The following PDPR variants were observed in gnomAD, a reference collection of about 807,000 sequenced individuals.
PDPR encodes pyruvate dehydrogenase phosphatase regulatory subunit.
PDPR carries 50 observed loss-of-function variants against 102.2 expected under a neutral mutation model. The ratio of observed to expected loss-of-function variants is 0.49; its 90% CI spans 0.39 to 0.62. PDPR has a LOEUF of 0.62. Ranked by LOEUF, PDPR falls within the 20% of genes least tolerant of loss-of-function variation. The pLI is 0.00. For synonymous variants in PDPR, 259 were observed against 406.0 expected, an observed-to-expected ratio of 0.64 and a Z score of 4.35; for missense variants, 625 against 1,098.2, an observed-to-expected ratio of 0.57 and a Z score of 6.09.
chr16:70,119,641 C>T (rs1963015649), intron 2 of PDPR, among the ~76,000 whole-genome samples: 1 of 149,536 alleles, frequency 6.7e-6, no homozygotes, highest in Admixed American at 6.6e-5. Context: ...CGTTCCTTAT[C>T]CTTCAGGTCT....
intron 16 of PDPR, among the ~76,000 whole-genome samples, chr16:70,146,488 A>T (rs1329930029): frequency 7.6e-6 from 1 of 131,200 alleles, no homozygotes; most frequent in Non-Finnish European, 1.6e-5. Context: ...GTATGGTCTC[A>T]CGCACCTATA....
chr16:70,146,165 T>C lies in PDPR; in HGVS notation c.1899T>C (p.Asp633=). 6.2e-7 allele frequency: 1 copy of C among 1,613,728 alleles called. No homozygotes were observed. Among genetic ancestry groups the C allele is most frequent in the Admixed American group, 1.7e-5 (1 of 59,984 alleles). Residue 633 remains aspartate (D), a synonymous_variant, in exon 16 of 19, where the codon GAT becomes GAC. Transcript: ENST00000288050. ...ALNLIGPRAV[D]VLSELSYAPM... Reference sequence around the variant, plus strand: ...ATCTGATTGGCCCTCGAGCTGTGGATGTGCTGTCTGAGTTGTCCTATGCCC... The same window carrying C: ...ATCTGATTGGCCCTCGAGCTGTGGACGTGCTGTCTGAGTTGTCCTATGCCC...
intron 10 of PDPR, among the ~76,000 whole-genome samples, chr16:70,138,207 A>ATTTTTT (rs1201065640): frequency 5.7e-4 from 54 of 94,026 alleles, no homozygotes; most frequent in South Asian, 1.4e-3. Flanking sequence ...ACGCCGGCTA[A>ATTTTTT]TTTTTTTTTT....
chr16:70,155,906 G>A (rs1418267233), intron 18 of PDPR, among the ~76,000 whole-genome samples: 1 of 150,596 alleles, frequency 6.6e-6, no homozygotes, highest in Non-Finnish European at 1.5e-5. Context: ...AGGTTCAAAC[G>A]ATTTTCCTGT....
chr16:70,148,897 A>AT (rs1358229554), intron 17 of PDPR, among the ~76,000 whole-genome samples: 32,984 of 141,896 alleles, frequency 0.23, 1,055 homozygotes, highest in Non-Finnish European at 0.3. Context: ...TTCATAATTA[A>AT]TTTTTTTTTT....
chr16:70,119,911 TG>T (rs199834307), intron 2 of PDPR, among the ~76,000 whole-genome samples: 28,135 of 120,866 alleles, frequency 0.23, 4,462 homozygotes, highest in African/African-American at 0.46. Flanking sequence ...GTTTTTTTTT[TG>T]TTTGTTTGTT....
chr16:70,144,534 G>A lies in PDPR; in HGVS notation c.1867+1G>A. 1.7e-6 allele frequency: 1 copy of A among 586,186 alleles called. No individual in the cohort carries two copies. Among genetic ancestry groups the A allele is most frequent in the East Asian group, 3.7e-5 (1 of 27,342 alleles). 36.3% of individuals were successfully genotyped at this position (586,186 alleles called of 1,614,324 possible). A position where few individuals can be genotyped will look rare whatever the true frequency, so the allele number is the denominator to read the frequency against. On this transcript the variant is annotated splice_donor_variant, in intron 15 of 18. Transcript: ENST00000288050. LOFTEE classifies it high-confidence loss of function. Reference sequence around the variant, plus strand: ...GAGGACGTCACCTGGAAGTACACAGGTACGGGGGTTCGGGCTCTGCCACGT... The same window carrying A: ...GAGGACGTCACCTGGAAGTACACAGATACGGGGGTTCGGGCTCTGCCACGT...
At chr16:70,130,266 C>T (rs1227706816) in intron 6 of PDPR, among the ~76,000 whole-genome samples, 157 bp from the exon 7 acceptor site, 8 of 152,240 alleles carry the variant, frequency 5.3e-5, no homozygotes, top group Non-Finnish European at 1.0e-4. Context: ...CCACCCTTGG[C>T]GACAAAGCAA....
At chr16:70,124,190 C>G (rs1963673858) in intron 3 of PDPR, among the ~76,000 whole-genome samples, 1 of 152,238 alleles carries the variant, frequency 6.6e-6, no homozygotes, top group South Asian at 2.1e-4. Context: ...TGGGGAAACC[C>G]CGTCTCTACT....
intron 14 of PDPR, among the ~76,000 whole-genome samples, 180 bp from the exon 15 acceptor site, chr16:70,144,241 C>G (rs1966026531): frequency 6.7e-6 from 1 of 148,196 alleles, no homozygotes; most frequent in Non-Finnish European, 1.5e-5. Context: ...TAACAGGAAG[C>G]CAGAATTTTG....
At chr16:70,119,978 G>A (rs1201192071) in intron 2 of PDPR, among the ~76,000 whole-genome samples, 5 of 151,114 alleles carry the variant, frequency 3.3e-5, no homozygotes, top group Admixed American at 6.6e-5. Flanking sequence ...GTGCGGTGGC[G>A]CGATCTCTGC....
intron 2 of PDPR, among the ~76,000 whole-genome samples, chr16:70,119,972 G>A (rs1218441974): frequency 8.6e-5 from 13 of 151,060 alleles, no homozygotes; most frequent in Admixed American, 7.9e-4. Flanking sequence ...GCTGGAGTGC[G>A]GTGGCGCGAT....
chr16:70,133,653 A>G (rs1334477772), intron 9 of PDPR, among the ~76,000 whole-genome samples: 1 of 152,044 alleles, frequency 6.6e-6, no homozygotes, highest in Non-Finnish European at 1.5e-5. Context: ...CCTGGCCTCA[A>G]GTGATCTGCC....
intron 18 of PDPR, among the ~76,000 whole-genome samples, chr16:70,155,700 T>G (rs575632091): frequency 6.6e-6 from 1 of 152,362 alleles, no homozygotes; most frequent in East Asian, 1.9e-4. Flanking sequence ...ATAATCACCG[T>G]TAATAGTTTA....
chr16:70,156,730 A>G lies in PDPR; in HGVS notation c.2491A>G (p.Thr831Ala). 6.2e-7 allele frequency: 1 copy of G among 1,613,950 alleles called. No individual in the cohort carries two copies. Among genetic ancestry groups the G allele is most frequent in the East Asian group, 2.2e-5 (1 of 44,890 alleles). The change falls in exon 19 of 19, where the codon ACA (threonine) becomes GCA (alanine). Residue 831 changes from threonine (T) to alanine (A), a missense_variant. Thr to Ala is a moderately conservative substitution (Grantham distance 58). Around this residue, in one of 11 missense-constraint regions of PDPR, gnomAD observed 303 missense variants for 258.9 expected, o/e 1.17. Coordinates refer to ENST00000288050, the MANE Select transcript of PDPR (RefSeq NM_017990.5). ...GGACACGGGGGAAGAGCAAGTGGTG[A>G]CAGCAGATTTCATCAACCGGGGAGA... is the stretch of plus-strand genomic sequence containing the variant. ...SEDTGEEQVV[T>A]ADFINRGEYE...
intron 18 of PDPR, among the ~76,000 whole-genome samples, chr16:70,154,738 C>G (rs1966924311): frequency 6.6e-6 from 1 of 152,244 alleles, no homozygotes; most frequent in Non-Finnish European, 1.5e-5. Flanking sequence ...CTCTCATGCT[C>G]AAGTGATCCT....
chr16:70,152,491 C>T (rs912450443), intron 17 of PDPR, among the ~76,000 whole-genome samples: 1 of 152,278 alleles, frequency 6.6e-6, no homozygotes, highest in Non-Finnish European at 1.5e-5. Context: ...TCACTCTAGC[C>T]TGGGCAAAAG....
At chr16:70,134,369 G>T (rs1338842584) in intron 9 of PDPR, among the ~76,000 whole-genome samples, 4 of 152,014 alleles carry the variant, frequency 2.6e-5, no homozygotes, top group African/African-American at 9.7e-5. Context: ...GGAATTACAG[G>T]CGCCCACCAC....
At chr16:70,126,246 C>T (rs1248154849) in intron 3 of PDPR, among the ~76,000 whole-genome samples, 2 of 152,272 alleles carry the variant, frequency 1.3e-5, no homozygotes, top group African/African-American at 4.8e-5. Flanking sequence ...GGGTCTTGCT[C>T]TATTGCTTAG....
Sources: allele counts gnomAD v4.1 joint callset (sites outside exome capture counted in the v4.1 genomes callset), GRCh38; gene constraint gnomAD v4.1.1; regional missense constraint gnomAD v4.1.1; transcripts MANE v1.5; gene names NCBI Gene and HGNC (gene_info 2026-07-23, HGNC 2026-07-21).